Variants in DSE observed in about 807,000 individuals in gnomAD.
DSE encodes the protein dermatan-sulfate epimerase.
In DSE, 36 loss-of-function variants were observed where a neutral mutation model predicts 84.4. The ratio of observed to expected loss-of-function variants is 0.43; its 90% confidence interval spans 0.33 to 0.56. The LOEUF (loss-of-function observed/expected upper bound fraction) is 0.56. Ranked by LOEUF, DSE falls within the 20% of genes least tolerant of loss-of-function variation. The probability of loss-of-function intolerance (pLI) is 0.06; values close to 1 mark genes in which losing one functional copy is unlikely to be tolerated. For synonymous variants in DSE, 410 were observed against 430.1 expected (o/e 0.95, Z 0.58); for missense variants, 862 against 1,169.6 (o/e 0.74, Z 3.84).
At chr6:116,374,647 A>G (rs1779811136) in intron 1 of DSE, among the ~76,000 whole-genome samples, 1 of 152,152 alleles carries the variant, frequency 6.6e-6, no homozygotes, top group Admixed American at 6.5e-5. Flanking sequence ...GAGGGGCTGC[A>G]TCTGGGGAGG....
chr6:116,431,964 A>C (rs1783869759), intron 4 of DSE, among the ~76,000 whole-genome samples: 1 of 152,206 alleles, frequency 6.6e-6, no homozygotes, highest in Admixed American at 6.5e-5. Flanking sequence ...GACCTACAAC[A>C]AATAATATAG....
At chr6:116,334,036 T>G (rs1050551561) in intron 2 of DSE, among the ~76,000 whole-genome samples, 6 of 152,180 alleles carry the variant, frequency 3.9e-5, no homozygotes, top group Admixed American at 1.3e-4. Context: ...TACTGATCTC[T>G]CTCCTAGATG....
At chr6:116,346,184 A>G (rs1307781160) in intron 2 of DSE, among the ~76,000 whole-genome samples, 1 of 152,258 alleles carries the variant, frequency 6.6e-6, no homozygotes, top group Non-Finnish European at 1.5e-5. Flanking sequence ...GAATTCTACC[A>G]GAGGTACAAG....
intron 1 of DSE, among the ~76,000 whole-genome samples, chr6:116,382,049 G>GTGTGTGTGTT (rs1780265668): frequency 6.6e-6 from 1 of 151,662 alleles, no homozygotes; most frequent in East Asian, 1.9e-4. Context: ...GTGTGTGTGT[G>GTGTGTGTGTT]TGTGTGTGTG....
At chr6:116,279,099 A>C (rs767941745) in intron 2 of DSE, 1 of 1,613,814 alleles carries the variant, frequency 6.2e-7, no homozygotes, top group Non-Finnish European at 8.5e-7. Context: ...TGTCGGCCTG[A>C]GCATTCACAG....
Position 116,317,968 on chromosome 6 carries a change from T to C in DSE, c.-54+59001T>C, listed in dbSNP as rs9374599. Among the ~76,000 whole-genome samples the C allele has an allele frequency of 3.9e-5, 6 of 152,370 alleles. No homozygotes were observed. In the East Asian group the frequency reaches 9.6e-4, roughly 24 times the overall value. On this transcript the variant is annotated intron_variant, in intron 2 of 3. Coordinates refer to the DSE transcript ENST00000430252. ...TTCTTTATTATTTCCTTGGAAATTA[T>C]ACACAATCAGAACAACTACTTGAGG...
At chr6:116,254,236 TTCG>T (rs1460274720) in exon 1 of DSE, 1 of 702,602 alleles carries the variant, frequency 1.4e-6, no homozygotes, top group Non-Finnish European at 2.6e-6. Context: ...CAAAAAGAAT[TTCG>T]TCAGTCTGGA....
At chr6:116,354,618 A>T (rs988050643) in intron 2 of DSE, among the ~76,000 whole-genome samples, 13 of 152,152 alleles carry the variant, frequency 8.5e-5, no homozygotes, top group African/African-American at 3.1e-4. Context: ...GAGGTGATTT[A>T]TCTTCAGAAT....
intron 4 of DSE, chr6:116,433,095 C>T (rs1783945377): frequency 2.0e-6 from 1 of 499,580 alleles, no homozygotes. Context: ...AGGTGTAGCA[C>T]TAATGTTACC....
chr6:116,408,445 A>G (rs902737391), intron 2 of DSE, among the ~76,000 whole-genome samples: 2 of 152,208 alleles, frequency 1.3e-5, no homozygotes, highest in African/African-American at 4.8e-5. Flanking sequence ...ATTATATTGA[A>G]TGAATGGATG....
chr6:116,255,245 T>C (rs1376939275), intron 1 of DSE: 4 of 152,344 alleles, frequency 2.6e-5, no homozygotes, highest in Middle Eastern at 3.4e-3. Context: ...CCCCAGATTA[T>C]GATCACTTTC....
chr6:116,284,436 G>C (rs564762608), intron 2 of DSE, among the ~76,000 whole-genome samples: 2 of 152,130 alleles, frequency 1.3e-5, no homozygotes, highest in Non-Finnish European at 1.5e-5. Flanking sequence ...GAAAGTAATA[G>C]ACCCATGATT....
chr6:116,295,218 T>C (rs1232724351), intron 2 of DSE, among the ~76,000 whole-genome samples: 1 of 151,822 alleles, frequency 6.6e-6, no homozygotes, highest in Non-Finnish European at 1.5e-5. Flanking sequence ...GAGGAGAAGA[T>C]GGGAGGAGAT....
intron 2 of DSE, among the ~76,000 whole-genome samples, chr6:116,340,853 G>T (rs1777548839): frequency 6.6e-6 from 1 of 152,130 alleles, no homozygotes; most frequent in African/African-American, 2.4e-5. Context: ...ATTCCGTGGT[G>T]TATATGTGCC....
rs1341576783 is a variant in DSE at position 116,444,035 on chromosome 6, T to A, written c.*6690T>A. 1 of 152,234 alleles carries A rather than the reference T, an allele frequency of 6.6e-6. No individual in the cohort carries two copies. The highest frequency in any genetic ancestry group is 2.4e-5 in the African/African-American group (1 of 41,460). 9.4% of individuals were successfully genotyped at this position (152,234 alleles called of 1,614,324 possible). On this transcript the variant is annotated 3_prime_UTR_variant, in exon 6 of 6. Coordinates refer to ENST00000644252, the MANE Select transcript of DSE (RefSeq NM_013352.4). ...TTGTCTCCTTGATAATCTTGATTTC[T>A]AAACTCCTTTACTCCTCTCTTGAAG... is the stretch of plus-strand genomic sequence containing the variant.
chr6:116,327,884 G>T (rs1776716764), intron 2 of DSE, among the ~76,000 whole-genome samples: 1 of 152,160 alleles, frequency 6.6e-6, no homozygotes, highest in African/African-American at 2.4e-5. Flanking sequence ...TTTAGCTGTT[G>T]TGGTATTTTC....
At chr6:116,298,372 TG>T (rs1165995608) in intron 2 of DSE, among the ~76,000 whole-genome samples, 2 of 152,176 alleles carry the variant, frequency 1.3e-5, no homozygotes, top group African/African-American at 4.8e-5. Flanking sequence ...GTGAGCCCAA[TG>T]TAATCACAAG....
rs1166827891 is a variant in DSE, at chr6:116,443,560, A to G, written c.*6215A>G. ...TCACTCCATTTAATTTAAAAAAGAAATAGTTTCAATTATATAAGCATTGTG... is the reference window on the plus strand; with the variant it reads ...TCACTCCATTTAATTTAAAAAAGAAGTAGTTTCAATTATATAAGCATTGTG... On this transcript the variant is annotated 3_prime_UTR_variant, in exon 6 of 6. Transcript: ENST00000644252. The G allele has an allele frequency of 1.3e-5, 2 of 152,202 alleles. No homozygotes were observed. Among genetic ancestry groups the G allele is most frequent in the East Asian group, 3.8e-4 (2 of 5,198 alleles). 9.4% of individuals were successfully genotyped at this position (152,202 alleles called of 1,614,324 possible). A position where few individuals can be genotyped will look rare whatever the true frequency, so the allele number is the denominator to read the frequency against.
At chr6:116,300,800 A>T (rs1774992593) in intron 2 of DSE, among the ~76,000 whole-genome samples, 1 of 152,200 alleles carries the variant, frequency 6.6e-6, no homozygotes, top group African/African-American at 2.4e-5. Flanking sequence ...TTCAACAATG[A>T]ATTCCAGCAG....
Sources: allele counts gnomAD v4.1 joint callset (sites outside exome capture counted in the v4.1 genomes callset), GRCh38; gene constraint gnomAD v4.1.1; transcripts MANE v1.5; gene names NCBI Gene and HGNC (gene_info 2026-07-23, HGNC 2026-07-21).